RYR1: variants seen among roughly 807,000 people sequenced by gnomAD.
RYR1 encodes the protein ryanodine receptor 1.
In RYR1, 342 loss-of-function variants were observed where a neutral mutation model predicts 583.5. That is an observed-to-expected ratio of 0.59 (90% CI 0.54 to 0.64). The LOEUF is 0.64. Among genes scored for constraint, RYR1 ranks in the 30% least tolerant of loss-of-function variants. The pLI, the probability that RYR1 is intolerant of heterozygous loss-of-function variation, is 0.00. For synonymous variants in RYR1, 2,791 were observed against 2,822.5 expected, an observed-to-expected ratio of 0.99 and a Z score of 0.35; for missense variants, 6,032 against 6,917.2, an observed-to-expected ratio of 0.87 and a Z score of 4.54.
intron 11 of RYR1, among the ~76,000 whole-genome samples, chr19:38,449,915 C>A (rs545986134): frequency 1.3e-5 from 2 of 152,122 alleles, no homozygotes; most frequent in East Asian, 3.9e-4. Flanking sequence ...TTTGTAGAGA[C>A]GAGGTCTCAT....
chr19:38,437,031 C>T (rs979883070), intron 1 of RYR1, among the ~76,000 whole-genome samples: 4 of 151,616 alleles, frequency 2.6e-5, no homozygotes, highest in East Asian at 1.9e-4. Context: ...CAGAACCCTC[C>T]GCTTCCTTCA....
Position 38,502,873 on chromosome 19 carries a change from C to T in RYR1, c.7836-7C>T, listed in dbSNP as rs370713261. ...GGGGATTCTACATCTTGTGCATTGT[C>T]CCGCAGGTACATCCGCCCGTCGATG... On this transcript the variant is annotated splice_region_variant and splice_polypyrimidine_tract_variant and intron_variant, in intron 48 of 105. Coordinates refer to ENST00000359596, the MANE Select transcript of RYR1 (RefSeq NM_000540.3). 1.8e-4 allele frequency: 285 copies of T among 1,609,788 alleles called. No homozygotes were observed. Among genetic ancestry groups the T allele is most frequent in the East Asian group, 1.6e-3 (71 of 44,826 alleles).
chr19:38,459,496 C>T (rs1293669756), intron 19 of RYR1, among the ~76,000 whole-genome samples, 158 bp downstream of exon 19: 1 of 152,166 alleles, frequency 6.6e-6, no homozygotes, highest in Non-Finnish European at 1.5e-5. Context: ...ATCCCAGGGA[C>T]CTCCACGTGA....
chr19:38,454,625 C>T (rs1967265833), intron 13 of RYR1, among the ~76,000 whole-genome samples: 2 of 152,166 alleles, frequency 1.3e-5, no homozygotes, highest in Non-Finnish European at 1.5e-5. Context: ...CAGGGACTCC[C>T]TGTATTTCCC....
At chr19:38,575,889 T>C (rs950419909) in intron 96 of RYR1, 30 bp from the exon 97 acceptor site, 32 of 1,613,510 alleles carry the variant, frequency 2.0e-5, no homozygotes, top group Non-Finnish European at 2.2e-5. Context: ...TAACATCTTA[T>C]ACTCACGCTT....
intron 93 of RYR1, 132 bp from the exon 94 acceptor site, chr19:38,570,475 A>C: frequency 2.2e-6 from 1 of 457,482 alleles, no homozygotes; most frequent in Non-Finnish European, 3.8e-6. Context: ...ATAATAATTA[A>C]TAAATAAATA....
In RYR1 at chr19:38,527,736, C is replaced by A. The variant is rs1289970470; in HGVS notation, c.10776C>A (p.Ile3592=). ...AGGACGCCGATGACCCCGAGAAAAT[C>A]GTGCGCAGAGTCCAGGAAGTGTCAG... is the stretch of plus-strand genomic sequence containing the variant. ...REEDADDPEK[I]VRRVQEVSAV... is the part of the protein sequence containing the mutation. Residue 3592 remains isoleucine, a synonymous_variant, in exon 73 of 106, where the codon ATC becomes ATA. Transcript: ENST00000359596. 1 of 1,614,064 alleles carries A rather than the reference C, an allele frequency of 6.2e-7. No homozygotes were observed. The highest frequency in any genetic ancestry group is 8.5e-7 in the Non-Finnish European group (1 of 1,180,014).
At position 38,448,349 on chromosome 19, in the gene RYR1, C is replaced by T. The variant is rs1252654593; in HGVS notation, c.801-6C>T. ...TCTGACTCCCCTTGGCTCTCACCCT[C>T]CACAGCTGGAGTGGGAGCCACCTGC... On this transcript the variant is annotated splice_region_variant and splice_polypyrimidine_tract_variant and intron_variant, in intron 9 of 105. Transcript: ENST00000359596. 1.9e-5 allele frequency: 30 copies of T among 1,607,138 alleles called. No individual in the cohort carries two copies. The highest frequency in any genetic ancestry group is 2.3e-5 in the Non-Finnish European group (27 of 1,179,574).
chr19:38,543,658 C>T lies in RYR1; in HGVS notation c.11905C>T (p.Gln3969Ter), dbSNP rs748748397. 6.2e-7 allele frequency: 1 copy of T among 1,613,830 alleles called. No individual in the cohort carries two copies. The highest frequency in any genetic ancestry group is 2.2e-5 in the East Asian group (1 of 44,888). ...GTTCAACAGCCTCACTGAGTACATCCAGGTAGGGCGCTCCCCCTGGGGCGG... is the reference window on the plus strand; with the variant it reads ...GTTCAACAGCCTCACTGAGTACATCTAGGTAGGGCGCTCCCCCTGGGGCGG... Reference protein sequence around the residue: ...QVFNSLTEYIQGPCTGNQQSL... With the variant: ...QVFNSLTEYI The change falls in exon 86 of 106, where the codon CAG becomes TAG. Residue 3969 changes from glutamine to a stop codon, truncating the protein, a stop_gained and splice_region_variant. Transcript: ENST00000359596. LOFTEE classifies it high-confidence loss of function. The surrounding 1 kb of genome is among the most constrained non-coding windows in gnomAD (Gnocchi z 4.4).
At chr19:38,452,362 G>A (rs1967120817) in intron 12 of RYR1, among the ~76,000 whole-genome samples, 2 of 152,014 alleles carry the variant, frequency 1.3e-5, no homozygotes, top group African/African-American at 4.8e-5. Context: ...GATTGCTTGA[G>A]CCGAGGGGGC....
chr19:38,458,017 G>A (rs200361717), intron 17 of RYR1, 34 bp from the exon 18 acceptor site: 38 of 1,609,990 alleles, frequency 2.4e-5, no homozygotes, highest in Middle Eastern at 1.8e-4. Context: ...CTGCCTCTCC[G>A]TCATCCCCCT....
At chr19:38,579,083 T>C (rs1386818014) in intron 99 of RYR1, among the ~76,000 whole-genome samples, 1 of 151,678 alleles carries the variant, frequency 6.6e-6, no homozygotes, top group Non-Finnish European at 1.5e-5. Context: ...TGTGCACCAC[T>C]GCACTCCAGC....
At chr19:38,548,122 G>A in intron 88 of RYR1, 111 bp from the exon 89 acceptor site, 2 of 1,204,630 alleles carry the variant, frequency 1.7e-6, no homozygotes, top group East Asian at 2.5e-5. Flanking sequence ...GCTGTGGCTG[G>A]CCAGGGACAC....
chr19:38,529,798 C>T (rs1004723073), intron 76 of RYR1, among the ~76,000 whole-genome samples: 5 of 152,012 alleles, frequency 3.3e-5, no homozygotes, highest in Admixed American at 6.6e-5. Context: ...CAGCTGCTGC[C>T]GCTGCTGCTG....
In RYR1 at chr19:38,525,397, G is replaced by A. The variant is rs767618265; in HGVS notation, c.10521G>A (p.Thr3507=). 1.4e-5 allele frequency: 23 copies of A among 1,613,978 alleles called. No individual in the cohort carries two copies. The South Asian group carries it at 2.1e-4, about 15-fold the overall frequency. The change falls in exon 71 of 106, where the codon ACG becomes ACA. Residue 3507 remains threonine (T), a synonymous_variant. Transcript: ENST00000359596. ...GGGGGGACCGGTACTCTGTGCAGACGTCACTGATCGTGGCCACACTGAAGA... is the reference window on the plus strand; with the variant it reads ...GGGGGGACCGGTACTCTGTGCAGACATCACTGATCGTGGCCACACTGAAGA... ...KRRGDRYSVQ[T]SLIVATLKKM...
chr19:38,560,952 T>TGGGGAC (rs1382392803), intron 89 of RYR1, among the ~76,000 whole-genome samples, 161 bp from the exon 90 acceptor site: 3 of 141,894 alleles, frequency 2.1e-5, no homozygotes, highest in African/African-American at 7.9e-5. Flanking sequence ...GGGGTGGGGA[T>TGGGGAC]GGGGACGAGA....
At chr19:38,484,651 C>T (rs1359635137) in intron 33 of RYR1, among the ~76,000 whole-genome samples, 3 of 152,096 alleles carry the variant, frequency 2.0e-5, no homozygotes, top group African/African-American at 7.2e-5. Flanking sequence ...GCCCCAGACA[C>T]ACCCGTTTAT....
Position 38,458,068 on chromosome 19 carries a change from T to C in RYR1, c.1943T>C (p.Phe648Ser), listed in dbSNP as rs1251940779. ...NYVTSIRPNI[F>S]VGRAEGTTQY... ...TCCTGCAGCATCCGCCCCAACATCT[T>C]TGTGGGCCGAGCGGAAGGCACCACG... Residue 648 changes from phenylalanine to serine, a missense_variant, in exon 18 of 106, where the codon TTT becomes TCT. Around this residue, in one of 11 missense-constraint regions of RYR1, gnomAD observed 2,627 missense variants for 2,961.3 expected, o/e 0.89. Transcript: ENST00000359596. 2.2e-5 allele frequency: 35 copies of C among 1,613,586 alleles called. No homozygotes were observed. The highest frequency in any genetic ancestry group is 1.1e-4 in the South Asian group (10 of 91,078).
chr19:38,448,098 C>G (rs778982627), intron 9 of RYR1, among the ~76,000 whole-genome samples: 58 of 151,804 alleles, frequency 3.8e-4, no homozygotes, highest in Non-Finnish European at 6.5e-4. Context: ...TTGAGGAACA[C>G]TGGAAGAGGG....
Sources: gnomAD v4.1 joint callset for allele counts (sites outside exome capture counted in the v4.1 genomes callset) on GRCh38, gnomAD v4.1.1 for gene constraint, gnomAD v4.1.1 regional missense constraint, Gnocchi (gnomAD v3.1) non-coding constraint, MANE v1.5 for transcripts, NCBI Gene and HGNC (gene_info 2026-07-23, HGNC 2026-07-21) for gene names.